The following SASH1 variants were observed in gnomAD, a reference collection of about 807,000 sequenced individuals.
SASH1 encodes the protein SAM and SH3 domain-containing protein 1.
In SASH1, 44 loss-of-function variants were observed where a neutral mutation model predicts 125.2. The ratio of observed to expected loss-of-function variants is 0.35; its 90% CI spans 0.28 to 0.45. SASH1 has a LOEUF of 0.45. SASH1 is among the 20% of genes least tolerant of loss of function. The pLI is 1.00. For missense variants in SASH1, 1,426 were observed against 1,614.5 expected (o/e 0.88, Z 2.00); for synonymous variants, 639 against 649.1 (o/e 0.98, Z 0.24).
At chr6:148,434,640 A>T (rs994498334) in intron 2 of SASH1, among the ~76,000 whole-genome samples, 1 of 152,216 alleles carries the variant, frequency 6.6e-6, no homozygotes, top group Non-Finnish European at 1.5e-5. Context: ...AGGTATCCAT[A>T]TGTGACTTAA....
At chr6:148,435,506 A>G (rs1487787355) in intron 2 of SASH1, among the ~76,000 whole-genome samples, 2 of 152,116 alleles carry the variant, frequency 1.3e-5, no homozygotes, top group South Asian at 2.1e-4. Flanking sequence ...CAACATTTAG[A>G]TGGAGTATCT....
intron 16 of SASH1, among the ~76,000 whole-genome samples, chr6:148,539,091 G>A (rs1293770812): frequency 6.9e-6 from 1 of 145,178 alleles, no homozygotes; most frequent in South Asian, 2.1e-4. Flanking sequence ...GTCCGATGCT[G>A]CTTTTTTTTT....
chr6:148,281,674 G>A (rs922388235), intron 1 of SASH1, among the ~76,000 whole-genome samples: 3 of 152,126 alleles, frequency 2.0e-5, no homozygotes, highest in South Asian at 2.1e-4. Context: ...TGTAATCCCA[G>A]CACTTTGGGA....
intron 2 of SASH1, among the ~76,000 whole-genome samples, chr6:148,415,950 A>G (rs1699334321): frequency 6.6e-6 from 1 of 152,246 alleles, no homozygotes; most frequent in Non-Finnish European, 1.5e-5. Flanking sequence ...TCCCTAAGCC[A>G]GAAAAGCTTT....
the SASH1 span, among the ~76,000 whole-genome samples, chr6:148,242,497 T>G: frequency 6.6e-6 from 1 of 152,202 alleles, no homozygotes; most frequent in Non-Finnish European, 1.5e-5. Context: ...TTTCTAGTGT[T>G]CAATCTTTCT....
chr6:148,500,483 A>G (rs764307103), intron 8 of SASH1, among the ~76,000 whole-genome samples: 5 of 152,222 alleles, frequency 3.3e-5, no homozygotes, highest in Non-Finnish European at 7.3e-5. Context: ...CTGTATTTCA[A>G]TCAAGAACAA....
chr6:148,544,667 A>G lies in SASH1; in HGVS notation c.3197A>G (p.Glu1066Gly), dbSNP rs1583338567. The G allele has an allele frequency of 6.2e-7, 1 of 1,613,358 alleles. No individual in the cohort carries two copies. The highest frequency in any genetic ancestry group is 1.1e-5 in the South Asian group (1 of 90,932). ...RPPPWLSELP[E>G]NTSLQEHGVK... ...CCCCCCTGGCTCTCAGAGCTCCCCGAGAACACAAGCCTCCAGGAGCACGGT... is the reference window on the plus strand; with the variant it reads ...CCCCCCTGGCTCTCAGAGCTCCCCGGGAACACAAGCCTCCAGGAGCACGGT... The change falls in exon 18 of 20, where the codon GAG becomes GGG. Residue 1066 changes from glutamate (E) to glycine (G), a missense_variant. Around this residue, in one of 3 missense-constraint regions of SASH1, gnomAD observed 634 missense variants for 694.4 expected, o/e 0.91. Transcript: ENST00000367467. The surrounding 1 kb of genome is among the most constrained non-coding windows in gnomAD (Gnocchi z 6.4).
intron 4 of SASH1, among the ~76,000 whole-genome samples, chr6:148,459,301 A>T (rs1227181121): frequency 1.3e-5 from 2 of 152,194 alleles, no homozygotes; most frequent in African/African-American, 4.8e-5. Context: ...CCCATCCCAG[A>T]TCTGATTCTC....
intron 1 of SASH1, among the ~76,000 whole-genome samples, chr6:148,356,034 TC>T (rs1562346220): frequency 6.6e-6 from 1 of 150,812 alleles, no homozygotes; most frequent in Admixed American, 6.7e-5. Flanking sequence ...CTTCCACGCT[TC>T]CCCCCAAGTC....
At chr6:148,420,697 G>T (rs986184622) in intron 2 of SASH1, among the ~76,000 whole-genome samples, 1 of 151,802 alleles carries the variant, frequency 6.6e-6, no homozygotes, top group African/African-American at 2.4e-5. Context: ...TTTTTTAATC[G>T]TTATGTACCC....
At chr6:148,359,881 C>T (rs1195449149) in intron 1 of SASH1, among the ~76,000 whole-genome samples, 1 of 152,180 alleles carries the variant, frequency 6.6e-6, no homozygotes, top group Admixed American at 6.5e-5. Flanking sequence ...GCCTCAGCCT[C>T]CTGAGTAGCT....
intron 5 of SASH1, among the ~76,000 whole-genome samples, chr6:148,470,301 C>T (rs79259159): frequency 0.027 from 4,183 of 152,202 alleles, 73 homozygotes; most frequent in Non-Finnish European, 0.044. Context: ...CAGACGACGC[C>T]CTTTCTAGCC....
chr6:148,315,489 G>C (rs1048043250), intron 1 of SASH1, among the ~76,000 whole-genome samples: 1 of 152,182 alleles, frequency 6.6e-6, no homozygotes, highest in Non-Finnish European at 1.5e-5. Flanking sequence ...ATCTTTAAAA[G>C]ACCGTACTTT....
chr6:148,499,578 G>A (rs934892098), intron 8 of SASH1, among the ~76,000 whole-genome samples: 4 of 152,134 alleles, frequency 2.6e-5, no homozygotes, highest in Non-Finnish European at 5.9e-5. Context: ...CCTGCCTATT[G>A]TGATAGGTGC....
chr6:148,263,987 G>A, the SASH1 span, among the ~76,000 whole-genome samples: 2 of 152,028 alleles, frequency 1.3e-5, no homozygotes, highest in African/African-American at 4.8e-5. Context: ...TTTATCCTAG[G>A]TGTCGTTTTG....
chr6:148,483,854 TA>T (rs1187804533), intron 7 of SASH1, among the ~76,000 whole-genome samples: 1 of 151,890 alleles, frequency 6.6e-6, no homozygotes, highest in Non-Finnish European at 1.5e-5. Context: ...CATTTCCTTA[TA>T]AAAGCGACTG....
chr6:148,229,133 CAA>C, the SASH1 span, among the ~76,000 whole-genome samples: 1 of 60,972 alleles, frequency 1.6e-5, no homozygotes, highest in Non-Finnish European at 3.0e-5. Context: ...GACTCCATCT[CAA>C]AAAAAAAAAA....
chr6:148,236,767 G>T, the SASH1 span, among the ~76,000 whole-genome samples: 1 of 152,214 alleles, frequency 6.6e-6, no homozygotes, highest in African/African-American at 2.4e-5. Flanking sequence ...TCAGAGAGAT[G>T]CAGGGATGCT....
intron 1 of SASH1, among the ~76,000 whole-genome samples, chr6:148,352,767 A>C (rs1404238276): frequency 6.6e-6 from 1 of 152,038 alleles, no homozygotes; most frequent in East Asian, 1.9e-4. Context: ...TCAGGAGTTC[A>C]AGACCGGCCT....
Sources: allele counts gnomAD v4.1 joint callset (sites outside exome capture counted in the v4.1 genomes callset), GRCh38; gene constraint gnomAD v4.1.1; regional missense constraint gnomAD v4.1.1; non-coding constraint Gnocchi (gnomAD v3.1); transcripts MANE v1.5; gene names NCBI Gene and HGNC (gene_info 2026-07-23, HGNC 2026-07-21).